RELN: variants seen among roughly 807,000 people sequenced by gnomAD.
RELN encodes the protein reelin.
Under a neutral mutation model 427.6 loss-of-function variants are expected in RELN, and 108 were observed. That is an observed-to-expected ratio of 0.25 (90% CI 0.22 to 0.30). The LOEUF is 0.30. Ranked by LOEUF, RELN falls within the 10% of genes least tolerant of loss-of-function variation. The probability of loss-of-function intolerance (pLI) is 1.00; values close to 1 mark genes in which losing one functional copy is unlikely to be tolerated. For missense variants in RELN, 3,715 were observed against 4,302.8 expected (o/e 0.86, Z 3.82); for synonymous variants, 1,524 against 1,513.4 (o/e 1.01, Z -0.16).
intron 36 of RELN, among the ~76,000 whole-genome samples, chr7:103,558,630 G>A (rs1830576162): frequency 6.6e-6 from 1 of 152,196 alleles, no homozygotes; most frequent in Non-Finnish European, 1.5e-5. Flanking sequence ...AGAAGTCAAT[G>A]AACAAGGAAA....
intron 11 of RELN, among the ~76,000 whole-genome samples, chr7:103,671,120 C>T (rs1833382961): frequency 6.6e-6 from 1 of 152,092 alleles, no homozygotes; most frequent in African/African-American, 2.4e-5. Context: ...CTTCCACATT[C>T]ATTTATATTC....
At chr7:103,680,438 C>G (rs1324095093) in intron 11 of RELN, among the ~76,000 whole-genome samples, 1 of 151,768 alleles carries the variant, frequency 6.6e-6, no homozygotes, top group Non-Finnish European at 1.5e-5. Flanking sequence ...AAATGAGTCT[C>G]TTGTGCCTCA....
chr7:103,874,164 T>C (rs1794419994), intron 2 of RELN, among the ~76,000 whole-genome samples: 2 of 136,708 alleles, frequency 1.5e-5, no homozygotes, highest in African/African-American at 2.6e-5. Flanking sequence ...CAACCCTTCA[T>C]GCTAAAAACT....
Position 103,575,634 on chromosome 7 carries a change from A to G in RELN, c.4217T>C (p.Val1406Ala). ...ACTGGGACAAGGCTCGGATATGTACACTCCATCTAAACCAAATGGAGGCAC... is the reference window on the plus strand; with the variant it reads ...ACTGGGACAAGGCTCGGATATGTACGCTCCATCTAAACCAAATGGAGGCAC... ...KNVPPFGLDG[V>A]YISEPCPSYC... The change falls in exon 29 of 65, where the codon GTG becomes GCG. Residue 1406 changes from valine (V) to alanine (A), a missense_variant. By Grantham distance (64) the Val-to-Ala change is moderately conservative. Transcript: ENST00000428762. 1 of 1,613,986 alleles carries G rather than the reference A, an allele frequency of 6.2e-7. No individual in the cohort carries two copies. The highest frequency in any genetic ancestry group is 8.5e-7 in the Non-Finnish European group (1 of 1,179,926).
rs539337691 is a variant in RELN at position 103,489,755 on chromosome 7, G to A, written c.9750C>T (p.Asp3250=). ...YCTTGAICIC[D]ESFQGDDCSV... is the part of the protein sequence containing the mutation. ...TGGGATTCAGACCTTGGAAGCTCTC[G>A]TCGCAGATGCAGATGGCACCGGTCG... The change falls in exon 60 of 65, where the codon GAC becomes GAT. Residue 3250 remains aspartate (D), a synonymous_variant. Transcript: ENST00000428762. 4.2e-5 allele frequency: 67 copies of A among 1,614,042 alleles called. No individual in the cohort carries two copies. The highest frequency in any genetic ancestry group is 2.7e-4 in the South Asian group (25 of 91,036).
chr7:103,603,568 C>T lies in RELN; in HGVS notation c.3147-78G>A, dbSNP rs537292895. 134 of 1,091,750 alleles carry T rather than the reference C, an allele frequency of 1.2e-4. No homozygotes were observed. In the African/African-American group the frequency reaches 1.9e-3, roughly 15 times the overall value. The allele number at this position is 1,091,750 out of a possible 1,614,324, so 67.6% of individuals were successfully genotyped here. A position where few individuals can be genotyped will look rare whatever the true frequency, so the allele number is the denominator to read the frequency against. On this transcript the variant is annotated intron_variant, in intron 23 of 64. Coordinates refer to ENST00000428762, the MANE Select transcript of RELN (RefSeq NM_005045.4). The surrounding 1 kb of genome is among the most constrained non-coding windows in gnomAD (Gnocchi z 4.3). ...ATGGCCCTCTGACCTCAACCATTTCCCATGTCTTACTTTTGCTCAGGTCTT... is the reference window on the plus strand; with the variant it reads ...ATGGCCCTCTGACCTCAACCATTTCTCATGTCTTACTTTTGCTCAGGTCTT...
chr7:103,756,702 T>G (rs1791165801), intron 4 of RELN, among the ~76,000 whole-genome samples: 2 of 152,222 alleles, frequency 1.3e-5, no homozygotes, highest in African/African-American at 4.8e-5. Context: ...AGTATTTACC[T>G]GGATTTAATT....
intron 2 of RELN, among the ~76,000 whole-genome samples, chr7:103,890,650 T>A (rs1231531133): frequency 6.6e-6 from 1 of 152,096 alleles, no homozygotes; most frequent in Non-Finnish European, 1.5e-5. Flanking sequence ...TGCACTATGA[T>A]ACTCAATTAA....
chr7:103,883,863 T>C (rs1794664868), intron 2 of RELN, among the ~76,000 whole-genome samples: 1 of 152,198 alleles, frequency 6.6e-6, no homozygotes. Flanking sequence ...CTGCCCAAAG[T>C]AATTTATAGA....
At chr7:103,656,059 A>G (rs572815681) in intron 12 of RELN, among the ~76,000 whole-genome samples, 1 of 152,140 alleles carries the variant, frequency 6.6e-6, no homozygotes, top group East Asian at 1.9e-4. Context: ...TATAAACCTG[A>G]GACCTGTACA....
At chr7:103,666,841 G>A (rs768991311) in intron 11 of RELN, among the ~76,000 whole-genome samples, 1 of 152,028 alleles carries the variant, frequency 6.6e-6, no homozygotes, top group Non-Finnish European at 1.5e-5. Context: ...AATGAGAGAA[G>A]TTGTTATCCT....
At chr7:103,547,007 G>A (rs1272853009) in intron 41 of RELN, among the ~76,000 whole-genome samples, 1 of 152,190 alleles carries the variant, frequency 6.6e-6, no homozygotes, top group Non-Finnish European at 1.5e-5. Context: ...TTAGGTAGCT[G>A]TCCAGAAATG....
At chr7:103,787,990 T>A (rs944790363) in intron 3 of RELN, among the ~76,000 whole-genome samples, 4 of 152,134 alleles carry the variant, frequency 2.6e-5, no homozygotes, top group Admixed American at 2.0e-4. Context: ...TCCACCATGA[T>A]CAAGTGGGCT....
Position 103,837,566 on chromosome 7 carries a change from T to C in RELN, c.338-3894A>G, listed in dbSNP as rs113610615. ...CTCTTCAAGGCAAGGCTCAATGTAG[T>C]CTCTGTCTAACACCAAACATTGAGA... On this transcript the variant is annotated intron_variant, in intron 2 of 64. Coordinates refer to ENST00000428762, the MANE Select transcript of RELN (RefSeq NM_005045.4). Among the ~76,000 whole-genome samples, 1,280 of 152,268 alleles carry C rather than the reference T, an allele frequency of 8.4e-3. 15 individuals are homozygous for C. Among genetic ancestry groups the C allele is most frequent in the African/African-American group, 0.029 (1,190 of 41,540 alleles).
At chr7:103,583,359 G>C (rs2711876) in intron 28 of RELN, among the ~76,000 whole-genome samples, 108,158 of 152,014 alleles carry the variant, frequency 0.71, 38,582 homozygotes, top group South Asian at 0.73. Flanking sequence ...TACATATATA[G>C]ATATCCTATT....
chr7:103,498,072 C>CT lies in RELN; in HGVS notation c.8843+4dup. 1 of 1,613,968 alleles carries CT rather than the reference C, an allele frequency of 6.2e-7. No homozygotes were observed. The highest frequency in any genetic ancestry group is 8.5e-7 in the Non-Finnish European group (1 of 1,179,852). On this transcript the variant is annotated splice_donor_region_variant and intron_variant, in intron 54 of 64. Coordinates refer to ENST00000428762, the MANE Select transcript of RELN (RefSeq NM_005045.4). ...ATAGAAATAACTAACAAAAAATTCA[C>CT]TTACTTTGCACCTCGAAGATCCAAA...
chr7:103,890,629 T>C (rs1466609287), intron 2 of RELN, among the ~76,000 whole-genome samples: 1 of 151,818 alleles, frequency 6.6e-6, no homozygotes, highest in East Asian at 1.9e-4. Context: ...GCCAAAAAGG[T>C]TGGGGACCGC....
chr7:103,518,509 T>TTTTTTTTTTTTTG (rs1829626888), intron 49 of RELN, among the ~76,000 whole-genome samples: 1 of 147,040 alleles, frequency 6.8e-6, no homozygotes, highest in African/African-American at 2.7e-5. Flanking sequence ...ATTTAAGTTT[T>TTTTTTTTTTTTTG]TTTTTTTTTT....
intron 1 of RELN, among the ~76,000 whole-genome samples, chr7:103,942,495 C>G (rs989615494): frequency 6.6e-6 from 1 of 152,156 alleles, no homozygotes. Flanking sequence ...AAATAAATCA[C>G]TTAGGGGACT....
Sources: gnomAD v4.1 joint callset for allele counts (sites outside exome capture counted in the v4.1 genomes callset) on GRCh38, gnomAD v4.1.1 for gene constraint, Gnocchi (gnomAD v3.1) non-coding constraint, MANE v1.5 for transcripts, NCBI Gene and HGNC (gene_info 2026-07-23, HGNC 2026-07-21) for gene names.